GTF2A1: variants seen among roughly 807,000 people sequenced by gnomAD.
GTF2A1 encodes the protein general transcription factor IIA subunit 1.
A neutral mutation model predicts 54.1 loss-of-function variants in GTF2A1; 12 were observed. That is an observed-to-expected ratio of 0.22 (90% CI 0.14 to 0.36). The LOEUF (loss-of-function observed/expected upper bound fraction) is 0.36, where lower values mean the gene tolerates loss of function less well. Ranked by LOEUF, GTF2A1 falls within the 10% of genes least tolerant of loss-of-function variation. The probability of loss-of-function intolerance (pLI) is 1.00; values close to 1 mark genes in which losing one functional copy is unlikely to be tolerated. For missense variants in GTF2A1, 335 were observed against 442.2 expected (o/e 0.76, Z 2.17); for synonymous variants, 145 against 152.0 (o/e 0.95, Z 0.34).
intron 4 of GTF2A1, among the ~76,000 whole-genome samples, chr14:81,198,000 T>C (rs910756730): frequency 2.0e-5 from 3 of 152,160 alleles, no homozygotes; most frequent in Admixed American, 2.0e-4. Context: ...CAGATATCTA[T>C]AAAGAACACT....
chr14:81,192,285 T>C (rs1242048271), intron 7 of GTF2A1, among the ~76,000 whole-genome samples: 1 of 152,206 alleles, frequency 6.6e-6, no homozygotes, highest in Admixed American at 6.5e-5. Flanking sequence ...ACAATTTAAT[T>C]TGTTATACAT....
intron 4 of GTF2A1, among the ~76,000 whole-genome samples, chr14:81,200,194 G>GGTAATGTGTAGGA (rs1201209257): frequency 1.3e-5 from 2 of 152,124 alleles, no homozygotes; most frequent in Admixed American, 1.3e-4. Flanking sequence ...TTGTGAGGCT[G>GGTAATGTGTAGGA]GTAATGTGTA....
chr14:81,212,016 T>C (rs1462208778), intron 2 of GTF2A1, among the ~76,000 whole-genome samples: 2 of 151,368 alleles, frequency 1.3e-5, no homozygotes, highest in Non-Finnish European at 2.9e-5. Flanking sequence ...AGAGTGCTAC[T>C]GGCATCTAGT....
intron 2 of GTF2A1, among the ~76,000 whole-genome samples, chr14:81,207,510 A>G (rs976641772): frequency 6.6e-6 from 1 of 152,152 alleles, no homozygotes; most frequent in African/African-American, 2.4e-5. Context: ...GTGAAAACAA[A>G]CTAATATAGT....
intron 1 of GTF2A1, among the ~76,000 whole-genome samples, chr14:81,217,297 T>C (rs1363671296): frequency 1.3e-5 from 2 of 152,170 alleles, no homozygotes; most frequent in African/African-American, 4.8e-5. Context: ...TCAAAAAGTA[T>C]AAAATATTTT....
In GTF2A1 at chr14:81,204,066, A is replaced by G. The variant is rs1208015113; in HGVS notation, c.171T>C (p.Asp57=). 8 of 1,613,812 alleles carry G rather than the reference A, an allele frequency of 5.0e-6. No individual in the cohort carries two copies. Among genetic ancestry groups the G allele is most frequent in the African/African-American group, 1.3e-5 (1 of 75,034 alleles). The part of the protein sequence containing the change: ...ENKLMQSRAV[D]GFHSEEQQLL... ...GCTGCTGCTCTTCTGAATGAAATCC[A>G]TCTACTGCCCTGGACTGCATTAGTT... is the stretch of plus-strand genomic sequence containing the variant. Residue 57 remains aspartate (D), a synonymous_variant, in exon 3 of 9, where the codon GAT becomes GAC. Transcript: ENST00000553612.
chr14:81,182,464 T>C (rs1892659729), intron 8 of GTF2A1, among the ~76,000 whole-genome samples: 1 of 152,190 alleles, frequency 6.6e-6, no homozygotes, highest in Admixed American at 6.5e-5. Context: ...TTCCTTTTTC[T>C]TTTCTACCAC....
intron 7 of GTF2A1, among the ~76,000 whole-genome samples, chr14:81,191,099 T>C (rs1301085622): frequency 6.6e-6 from 1 of 151,558 alleles, no homozygotes; most frequent in East Asian, 1.9e-4. Flanking sequence ...AAAAAGAGGC[T>C]AAAACTCCTA....
At chr14:81,212,667 C>T (rs566874156) in intron 2 of GTF2A1, among the ~76,000 whole-genome samples, 2 of 152,318 alleles carry the variant, frequency 1.3e-5, no homozygotes, top group Non-Finnish European at 2.9e-5. Context: ...TAATGACAGG[C>T]TTTCTAAACC....
chr14:81,194,255 T>C (rs1330691791), intron 6 of GTF2A1, among the ~76,000 whole-genome samples: 1 of 152,226 alleles, frequency 6.6e-6, no homozygotes, highest in Non-Finnish European at 1.5e-5. Flanking sequence ...GCACTCCTTA[T>C]GCCTGATGAC....
intron 8 of GTF2A1, 127 bp downstream of exon 8, chr14:81,185,404 G>T: frequency 5.5e-6 from 3 of 540,924 alleles, no homozygotes; most frequent in South Asian, 2.7e-5. Context: ...CAGGGTTTTC[G>T]TACTATTCAT....
At position 81,176,275 on chromosome 14, in the gene GTF2A1, A is replaced by G. The variant is rs1892525987; in HGVS notation, c.*3948T>C. 1 of 152,172 alleles carries G rather than the reference A, an allele frequency of 6.6e-6. No individual in the cohort carries two copies. The highest frequency in any genetic ancestry group is 2.1e-4 in the South Asian group (1 of 4,832). The allele number at this position is 152,172 out of a possible 1,614,324, so 9.4% of individuals were successfully genotyped here. On this transcript the variant is annotated 3_prime_UTR_variant, in exon 9 of 9. Transcript: ENST00000553612. ...GTCTTTAAAACATAATATCCCATAT[A>G]TCACAGAAGAGCAACCTTGATCTGC... is the stretch of plus-strand genomic sequence containing the variant.
chr14:81,220,592 C>G lies in GTF2A1; in HGVS notation c.-74G>C, dbSNP rs1202512987. ...AAAAACAAAACCAAAAAAAAAAAAA[C>G]TATAACACCCGGAGGGTGACCCAAA... On this transcript the variant is annotated 5_prime_UTR_variant, in exon 1 of 9. Transcript: ENST00000553612. The G allele has an allele frequency of 1.8e-6, 2 of 1,095,272 alleles. No individual in the cohort carries two copies. Among genetic ancestry groups the G allele is most frequent in the African/African-American group, 2.0e-5 (1 of 49,896 alleles). The allele number at this position is 1,095,272 out of a possible 1,614,324, so 67.8% of individuals were successfully genotyped here. A position where few individuals can be genotyped will look rare whatever the true frequency, so the allele number is the denominator to read the frequency against.
At chr14:81,199,180 A>T (rs918011266) in intron 4 of GTF2A1, among the ~76,000 whole-genome samples, 2 of 152,198 alleles carry the variant, frequency 1.3e-5, no homozygotes, top group Non-Finnish European at 2.9e-5. Context: ...AAAGACAGCA[A>T]TTCTCCCTCT....
intron 2 of GTF2A1, among the ~76,000 whole-genome samples, chr14:81,214,262 A>G (rs1049294073): frequency 6.6e-6 from 1 of 152,146 alleles, no homozygotes; most frequent in Admixed American, 6.5e-5. Context: ...AACTGTGATT[A>G]TTTATTTGTA....
chr14:81,210,844 C>T (rs1455813625), intron 2 of GTF2A1, among the ~76,000 whole-genome samples: 4 of 151,956 alleles, frequency 2.6e-5, no homozygotes, highest in South Asian at 2.1e-4. Flanking sequence ...CATGAGACAC[C>T]GCACCCAAGA....
intron 4 of GTF2A1, among the ~76,000 whole-genome samples, chr14:81,198,202 TAGG>T (rs1217734068): frequency 1.3e-5 from 2 of 152,178 alleles, no homozygotes; most frequent in Non-Finnish European, 2.9e-5. Flanking sequence ...CCCAGCACTT[TAGG>T]AGGCCCACGT....
At chr14:81,204,725 C>T (rs1381089675) in intron 2 of GTF2A1, among the ~76,000 whole-genome samples, 2 of 152,182 alleles carry the variant, frequency 1.3e-5, no homozygotes, top group African/African-American at 2.4e-5. Flanking sequence ...TCTTCCATTA[C>T]GCCAATTGAC....
intron 8 of GTF2A1, among the ~76,000 whole-genome samples, chr14:81,181,075 C>T (rs187121029): frequency 1.5e-4 from 23 of 152,200 alleles, no homozygotes; most frequent in African/African-American, 2.9e-4. Context: ...TCACTTACAC[C>T]AGATTTCAAA....
Sources: gnomAD v4.1 joint callset for allele counts (sites outside exome capture counted in the v4.1 genomes callset) on GRCh38, gnomAD v4.1.1 for gene constraint, MANE v1.5 for transcripts, NCBI Gene and HGNC (gene_info 2026-07-23, HGNC 2026-07-21) for gene names.